Variants in SMARCAL1 observed in about 807,000 individuals in gnomAD.
SMARCAL1 encodes ATP-driven annealing helicase.
Under a neutral mutation model 94.5 loss-of-function variants are expected in SMARCAL1, and 58 were observed. The observed-to-expected ratio is 0.61, with a 90% CI of 0.50 to 0.76. The LOEUF (loss-of-function observed/expected upper bound fraction) is 0.76. SMARCAL1 is among the 30% of genes least tolerant of loss of function. The pLI, the probability that SMARCAL1 is intolerant of heterozygous loss-of-function variation, is 0.00. For missense variants in SMARCAL1, 1,051 were observed against 1,177.9 expected (o/e 0.89, Z 1.58); for synonymous variants, 422 against 455.1 (o/e 0.93, Z 0.93).
intron 6 of SMARCAL1, among the ~76,000 whole-genome samples, chr2:216,425,364 G>A (rs568978166): frequency 6.8e-4 from 103 of 152,326 alleles, no homozygotes; most frequent in Non-Finnish European, 7.6e-4. Flanking sequence ...GGGCACCAGC[G>A]GCTGGATGAT....
At chr2:216,470,949 G>A (rs1231286509) in intron 14 of SMARCAL1, among the ~76,000 whole-genome samples, 5 of 149,352 alleles carry the variant, frequency 3.3e-5, no homozygotes, top group African/African-American at 7.4e-5. Context: ...ATTAAAATCT[G>A]TTATAAAATA....
Position 216,432,752 on chromosome 2 carries a change from G to C in SMARCAL1, c.1369G>C (p.Ala457Pro). 1 of 1,614,136 alleles carries C rather than the reference G, an allele frequency of 6.2e-7. No homozygotes were observed. The highest frequency in any genetic ancestry group is 8.5e-7 in the Non-Finnish European group (1 of 1,180,038). Reference protein sequence around the residue: ...AIAKGGRLLLADDMGLGKTIQ... With the variant: ...AIAKGGRLLLPDDMGLGKTIQ... ...AGCCAAAGGAGGCCGCCTGCTGCTC[G>C]CTGACGACATGGGCCTGGGGAAGAC... Residue 457 changes from alanine to proline, a missense_variant, in exon 8 of 18, where the codon GCT becomes CCT. By Grantham distance (27) the Ala-to-Pro change is conservative. Transcript: ENST00000357276.
chr2:216,414,102 T>C (rs1693528260), intron 2 of SMARCAL1: 2 of 153,914 alleles, frequency 1.3e-5, no homozygotes, highest in Non-Finnish European at 2.9e-5. Context: ...TGAGTTACCA[T>C]GTGAGAAGGA....
intron 12 of SMARCAL1, among the ~76,000 whole-genome samples, chr2:216,457,975 T>C (rs1290898592): frequency 2.6e-5 from 4 of 152,124 alleles, no homozygotes; most frequent in South Asian, 2.1e-4. Context: ...AAGAATCAAA[T>C]AGATGCAACA....
chr2:216,474,023 T>C (rs904515161), intron 14 of SMARCAL1, among the ~76,000 whole-genome samples: 1 of 151,960 alleles, frequency 6.6e-6, no homozygotes, highest in Non-Finnish European at 1.5e-5. Flanking sequence ...AAGAAAATTA[T>C]TGATACAGGT....
chr2:216,478,403 A>G (rs1022210076), intron 17 of SMARCAL1, 104 bp downstream of exon 17: 26 of 848,288 alleles, frequency 3.1e-5, no homozygotes, highest in Non-Finnish European at 5.1e-5. Flanking sequence ...ACTCCTAGGG[A>G]CCTCCCCCAG....
At chr2:216,419,724 G>A (rs1475858204) in intron 4 of SMARCAL1, among the ~76,000 whole-genome samples, 1 of 152,058 alleles carries the variant, frequency 6.6e-6, no homozygotes, top group East Asian at 1.9e-4. Context: ...AATTTTAAAT[G>A]TTTTGATGTG....
intron 1 of SMARCAL1, among the ~76,000 whole-genome samples, chr2:216,413,648 AT>A (rs572382068): frequency 4.3e-4 from 64 of 149,120 alleles, no homozygotes; most frequent in Admixed American, 2.3e-3. Context: ...TGAACACATA[AT>A]TTTTTTTTTT....
intron 12 of SMARCAL1, among the ~76,000 whole-genome samples, chr2:216,452,469 C>G (rs1431436322): frequency 6.6e-6 from 1 of 150,950 alleles, no homozygotes; most frequent in Non-Finnish European, 1.5e-5. Context: ...ATGCAAAGAG[C>G]TGAATATTTA....
chr2:216,466,698 T>C (rs1056410017), intron 13 of SMARCAL1, among the ~76,000 whole-genome samples: 3 of 152,206 alleles, frequency 2.0e-5, no homozygotes, highest in Admixed American at 2.0e-4. Context: ...TTGGGGCCTG[T>C]GGTTTTTATG....
chr2:216,415,495 C>T lies in SMARCAL1; in HGVS notation c.791C>T (p.Thr264Ile). Reference sequence around the variant, plus strand: ...GCGGAACTCATTGCAGTGTTTAAGACCCTGCCCAGCAAGAATTATGGTAAT... The same window carrying T: ...GCGGAACTCATTGCAGTGTTTAAGATCCTGCCCAGCAAGAATTATGGTAAT... ...YNAELIAVFKTLPSKNYDPDT... is the reference protein window; with the variant it reads ...YNAELIAVFKILPSKNYDPDT... The change falls in exon 3 of 18, where the codon ACC (threonine) becomes ATC (isoleucine). Residue 264 changes from threonine (T) to isoleucine (I), a missense_variant. Transcript: ENST00000357276. 1 of 1,613,140 alleles carries T rather than the reference C, an allele frequency of 6.2e-7. No individual in the cohort carries two copies. Among genetic ancestry groups the T allele is most frequent in the Non-Finnish European group, 8.5e-7 (1 of 1,179,762 alleles).
rs73072258 is a variant in SMARCAL1 at position 216,420,071 on chromosome 2, C to A, written c.863-228C>A. On this transcript the variant is annotated intron_variant, in intron 4 of 17. Transcript: ENST00000357276. ...AAGAAAAAAAAAAAAGAAAAACTTA[C>A]GGAGATGGAAAGTTACATTCAGCAA... Among the ~76,000 whole-genome samples the A allele has an allele frequency of 3.2e-3, 468 of 147,970 alleles. 3 individuals carry two copies. Among genetic ancestry groups the A allele is most frequent in the African/African-American group, 0.011 (446 of 40,326 alleles).
intron 13 of SMARCAL1, among the ~76,000 whole-genome samples, chr2:216,465,209 T>C (rs1483410689): frequency 6.6e-6 from 1 of 152,172 alleles, no homozygotes; most frequent in African/African-American, 2.4e-5. Flanking sequence ...ACACAAGGCA[T>C]AAGTTGGCCG....
intron 17 of SMARCAL1, among the ~76,000 whole-genome samples, chr2:216,480,861 CTT>C (rs1695179184): frequency 6.6e-6 from 1 of 152,140 alleles, no homozygotes; most frequent in South Asian, 2.1e-4. Flanking sequence ...CCAAAAAAAT[CTT>C]TAAAGGAGAG....
At chr2:216,446,755 C>T in intron 10 of SMARCAL1, 1 of 608,810 alleles carries the variant, frequency 1.6e-6, no homozygotes. Context: ...AAGAGGCTTG[C>T]AGTCTAACAA....
chr2:216,475,880 T>G lies in SMARCAL1; in HGVS notation c.2427+429T>G, dbSNP rs1417190169. 6.6e-6 allele frequency among the ~76,000 whole-genome samples: 1 copy of G among 152,102 alleles called. No individual in the cohort carries two copies. The highest frequency in any genetic ancestry group is 1.5e-5 in the Non-Finnish European group (1 of 68,008). On this transcript the variant is annotated intron_variant, in intron 15 of 17. Coordinates refer to ENST00000357276, the MANE Select transcript of SMARCAL1 (RefSeq NM_014140.4). This position sits in a 1 kb window ranked among gnomAD's most constrained non-coding sequence, Gnocchi z 4.4. ...TTCCAGGGCTAGAAGGAATCTTGAC[T>G]TCATGTCTCATAGGAGGAAGTTAGG...
chr2:216,450,170 T>C (rs548631145), intron 11 of SMARCAL1, among the ~76,000 whole-genome samples: 2 of 152,288 alleles, frequency 1.3e-5, no homozygotes, highest in Admixed American at 6.5e-5. Context: ...TCTCTAGCTG[T>C]GTGATGGGGA....
At chr2:216,469,363 G>C (rs1377889113) in intron 14 of SMARCAL1, among the ~76,000 whole-genome samples, 1 of 142,230 alleles carries the variant, frequency 7.0e-6, no homozygotes, top group Non-Finnish European at 1.5e-5. Flanking sequence ...CTCACTGCAA[G>C]CTCCACCTCC....
intron 3 of SMARCAL1, 148 bp from the exon 4 acceptor site, chr2:216,416,109 C>T (rs1693595335): frequency 1.9e-5 from 14 of 726,784 alleles, no homozygotes; most frequent in South Asian, 1.8e-4. Context: ...ACTATTTGTC[C>T]TCTACAGAGA....
Sources: allele counts gnomAD v4.1 joint callset (sites outside exome capture counted in the v4.1 genomes callset), GRCh38; gene constraint gnomAD v4.1.1; non-coding constraint Gnocchi (gnomAD v3.1); transcripts MANE v1.5; gene names NCBI Gene and HGNC (gene_info 2026-07-23, HGNC 2026-07-21).